NMBR: variants seen among roughly 807,000 people sequenced by gnomAD.
The protein encoded by NMBR is neuromedin-B receptor.
Under a neutral mutation model 20.5 loss-of-function variants are expected in NMBR, and 16 were observed. The ratio of observed to expected loss-of-function variants is 0.78; its 90% CI spans 0.53 to 1.19. The LOEUF is 1.19. Among genes scored for constraint, NMBR ranks in the 50% most tolerant of loss-of-function variants. The probability of loss-of-function intolerance (pLI) is 0.00; values close to 1 mark genes in which losing one functional copy is unlikely to be tolerated. For missense variants in NMBR, 582 were observed against 499.1 expected (o/e 1.17, Z -1.58); for synonymous variants, 212 against 196.6 (o/e 1.08, Z -0.65).
At chr6:142,134,904 C>G (rs41289831) in intron 1 of NMBR, 7,543 of 573,664 alleles carry the variant, frequency 0.013, 63 homozygotes, top group Non-Finnish European at 0.017. Flanking sequence ...GAAGATTATA[C>G]TTTCCATTCA....
chr6:142,141,507 GTT>G (rs1040912688), intron 1 of NMBR, among the ~76,000 whole-genome samples: 2 of 144,634 alleles, frequency 1.4e-5, no homozygotes, highest in Non-Finnish European at 1.5e-5. Flanking sequence ...GTGTTGCTTT[GTT>G]TTTTTTTTTT....
At position 142,147,122 on chromosome 6, in the gene NMBR, C is replaced by G. The variant is rs1382822438; in HGVS notation, c.-742G>C. On this transcript the variant is annotated 5_prime_UTR_variant, in exon 1 of 4. Transcript: ENST00000258042. The stretch of plus-strand genomic sequence containing the variant: ...TCTGTGGGTTCTAACCGCCGAGAGC[C>G]AAGCACCCTGAGGTTGTCCCAGCTG... 1.0e-5 allele frequency: 7 copies of G among 688,692 alleles called. No homozygotes were observed. Among genetic ancestry groups the G allele is most frequent in the Non-Finnish European group, 1.7e-5 (7 of 405,592 alleles). 42.7% of individuals were successfully genotyped at this position (688,692 alleles called of 1,614,324 possible).
chr6:142,113,014 AT>A (rs1338258629), intron 1 of NMBR, among the ~76,000 whole-genome samples: 1 of 152,130 alleles, frequency 6.6e-6, no homozygotes, highest in African/African-American at 2.4e-5. Context: ...ACATTAAAAA[AT>A]GTAAAAGCAT....
At chr6:142,134,881 G>A (rs1027065639) in intron 1 of NMBR, 9 of 622,314 alleles carry the variant, frequency 1.4e-5, no homozygotes, top group Non-Finnish European at 2.6e-5. Flanking sequence ...TGAGATTTTT[G>A]AGATCATATT....
chr6:142,137,132 G>A (rs1481660264), intron 1 of NMBR, among the ~76,000 whole-genome samples: 1 of 152,252 alleles, frequency 6.6e-6, no homozygotes, highest in East Asian at 1.9e-4. Flanking sequence ...CCATGAGCAT[G>A]GAATGTTCTT....
intron 1 of NMBR, among the ~76,000 whole-genome samples, chr6:142,123,808 A>G (rs1265954964): frequency 2.0e-5 from 3 of 152,022 alleles, no homozygotes; most frequent in Non-Finnish European, 4.4e-5. Context: ...CGAGGCTGCA[A>G]TAAAACCTTA....
intron 2 of NMBR, among the ~76,000 whole-genome samples, 159 bp from the exon 3 acceptor site, chr6:142,079,062 G>GAA (rs1562390099): frequency 7.5e-5 from 10 of 133,386 alleles, no homozygotes; most frequent in African/African-American, 2.8e-4. Flanking sequence ...GAGAGAAAGA[G>GAA]AGAGAGAAAG....
intron 1 of NMBR, among the ~76,000 whole-genome samples, chr6:142,116,716 TTTTA>T (rs1302533805): frequency 6.6e-6 from 1 of 152,038 alleles, no homozygotes; most frequent in Non-Finnish European, 1.5e-5. Context: ...GGCACATTCT[TTTTA>T]TTTCTTACCT....
chr6:142,113,849 G>T (rs1226841040), intron 1 of NMBR, among the ~76,000 whole-genome samples: 1 of 152,104 alleles, frequency 6.6e-6, no homozygotes, highest in Non-Finnish European at 1.5e-5. Context: ...AAAGATAACT[G>T]CCTGAAATGT....
intron 1 of NMBR, among the ~76,000 whole-genome samples, chr6:142,114,059 T>A (rs1239412350): frequency 6.6e-6 from 1 of 151,984 alleles, no homozygotes; most frequent in East Asian, 1.9e-4. Context: ...AATTACAAAA[T>A]AGGAAAAGCG....
intron 1 of NMBR, among the ~76,000 whole-genome samples, chr6:142,090,608 C>T (rs1777304941): frequency 1.3e-5 from 2 of 149,342 alleles, no homozygotes; most frequent in South Asian, 4.2e-4. Context: ...AAATTATACA[C>T]ATATATAGAG....
At chr6:142,133,939 T>G (rs1395741232) in intron 1 of NMBR, 2 of 702,476 alleles carry the variant, frequency 2.8e-6, no homozygotes, top group Non-Finnish European at 5.2e-6. Context: ...GCTTTGCAGT[T>G]TATGGGAATG....
chr6:142,101,035 T>A (rs573802291), intron 1 of NMBR, among the ~76,000 whole-genome samples: 1 of 152,138 alleles, frequency 6.6e-6, no homozygotes, highest in African/African-American at 2.4e-5. Context: ...TGAGCCAGAG[T>A]AGGCTCAAAG....
chr6:142,108,175 G>A (rs1777692657), intron 1 of NMBR, among the ~76,000 whole-genome samples: 1 of 152,064 alleles, frequency 6.6e-6, no homozygotes, highest in South Asian at 2.1e-4. Flanking sequence ...ATTCAAAAAA[G>A]TAATGACTGA....
chr6:142,079,126 G>GAAAGAAAGAAAGAGAGA (rs11451074), intron 2 of NMBR, among the ~76,000 whole-genome samples: 1 of 103,278 alleles, frequency 9.7e-6, no homozygotes, highest in Non-Finnish European at 1.9e-5. Context: ...AAGAAAGAAA[G>GAAAGAAAGAAAGAGAGA]AAGAAAGAAA....
rs908648320 is a variant in NMBR at position 142,130,004 on chromosome 6, A to G, written c.-664+17040T>C. Among the ~76,000 whole-genome samples, 23 of 151,890 alleles carry G rather than the reference A, an allele frequency of 1.5e-4. 1 individual carries two copies. ...CATTCATTTATATGGGGTTCTTTGT[A>G]TTTCTCAACTACACCCCTGGTATGA... On this transcript the variant is annotated intron_variant, in intron 1 of 3. Transcript: ENST00000258042.
chr6:142,094,755 T>G (rs1167600461), intron 1 of NMBR, among the ~76,000 whole-genome samples: 1 of 152,216 alleles, frequency 6.6e-6, no homozygotes. Context: ...TATGTCCATT[T>G]CCACGATATT....
chr6:142,087,362 C>T (rs1053273161), intron 2 of NMBR, among the ~76,000 whole-genome samples: 4 of 152,184 alleles, frequency 2.6e-5, no homozygotes, highest in African/African-American at 7.2e-5. Context: ...TAAACCACAG[C>T]TCCATGAAAA....
chr6:142,098,291 T>G (rs1448460077), intron 1 of NMBR, among the ~76,000 whole-genome samples: 1 of 152,110 alleles, frequency 6.6e-6, no homozygotes, highest in East Asian at 1.9e-4. Context: ...ATGTGTACTC[T>G]CACCATTCCT....
Sources: allele counts gnomAD v4.1 joint callset (sites outside exome capture counted in the v4.1 genomes callset), GRCh38; gene constraint gnomAD v4.1.1; transcripts MANE v1.5; gene names NCBI Gene and HGNC (gene_info 2026-07-23, HGNC 2026-07-21).